DLGAP1: variants seen among roughly 807,000 people sequenced by gnomAD.
The protein encoded by DLGAP1 is disks large-associated protein 1.
Under a neutral mutation model 90.8 loss-of-function variants are expected in DLGAP1, and 11 were observed. The ratio of observed to expected loss-of-function variants is 0.12; its 90% CI spans 0.08 to 0.20. DLGAP1 has a LOEUF of 0.20. Ranked by LOEUF, DLGAP1 falls within the 10% of genes least tolerant of loss-of-function variation. DLGAP1 has a pLI of 1.00. For synonymous variants in DLGAP1, 558 were observed against 540.7 expected (o/e 1.03, Z -0.44); for missense variants, 1,050 against 1,333.8 (o/e 0.79, Z 3.31).
At chr18:3,842,732 A>G (rs1453962873) in intron 4 of DLGAP1, among the ~76,000 whole-genome samples, 1 of 152,138 alleles carries the variant, frequency 6.6e-6, no homozygotes, top group African/African-American at 2.4e-5. Context: ...TGCCATTTAC[A>G]GGGGTAGGAA....
At chr18:4,094,081 C>T (rs1371356394) in intron 2 of DLGAP1, among the ~76,000 whole-genome samples, 1 of 152,064 alleles carries the variant, frequency 6.6e-6, no homozygotes, top group Non-Finnish European at 1.5e-5. Context: ...ATGATTTTTA[C>T]ATCCTTTATG....
intron 6 of DLGAP1, among the ~76,000 whole-genome samples, chr18:3,740,679 T>C (rs1229664185): frequency 1.3e-5 from 2 of 152,062 alleles, no homozygotes; most frequent in African/African-American, 4.8e-5. Context: ...TTTTCATCTA[T>C]ACCAGCACCA....
chr18:4,265,136 C>CTTCCTTCCTTCCTTCCTTCCTTCCT (rs1476655160), intron 1 of DLGAP1, among the ~76,000 whole-genome samples: 8 of 129,466 alleles, frequency 6.2e-5, no homozygotes, highest in African/African-American at 2.8e-4. Flanking sequence ...CCTTCCTTTC[C>CTTCCTTCCTTCCTTCCTTCCTTCCT]TCCCTCCCTC....
intron 3 of DLGAP1, among the ~76,000 whole-genome samples, chr18:3,949,597 C>T (rs2072944521): frequency 6.6e-6 from 1 of 152,170 alleles, no homozygotes; most frequent in South Asian, 2.1e-4. Context: ...CATTATTTTA[C>T]TATAGGAAAT....
chr18:3,591,300 A>G (rs2056230594), intron 7 of DLGAP1, among the ~76,000 whole-genome samples: 1 of 152,166 alleles, frequency 6.6e-6, no homozygotes, highest in Non-Finnish European at 1.5e-5. Context: ...ACATAAATGT[A>G]TTTCTATTGT....
intron 7 of DLGAP1, among the ~76,000 whole-genome samples, chr18:3,595,188 A>G (rs2056509875): frequency 6.6e-6 from 1 of 152,180 alleles, no homozygotes; most frequent in Non-Finnish European, 1.5e-5. Context: ...AGAGGCGGGC[A>G]CCCCTTCTGT....
intron 7 of DLGAP1, among the ~76,000 whole-genome samples, chr18:3,583,274 T>TTTCC (rs1257160364): frequency 1.8e-4 from 27 of 149,812 alleles, no homozygotes; most frequent in Middle Eastern, 3.4e-3. Context: ...CCTTCCCTTC[T>TTTCC]TTCCTTCCTT....
chr18:3,916,044 C>A (rs995252833), intron 3 of DLGAP1, among the ~76,000 whole-genome samples: 2 of 152,150 alleles, frequency 1.3e-5, no homozygotes, highest in Admixed American at 6.5e-5. Context: ...ATTATGGTCA[C>A]CCTTGCTCAA....
chr18:3,619,433 C>G (rs1478756976), intron 7 of DLGAP1, among the ~76,000 whole-genome samples: 1 of 152,164 alleles, frequency 6.6e-6, no homozygotes, highest in Non-Finnish European at 1.5e-5. Flanking sequence ...AGTGGGGTCA[C>G]TAAGGTCTCT....
intron 1 of DLGAP1, among the ~76,000 whole-genome samples, chr18:4,445,505 A>T (rs941754341): frequency 7.6e-6 from 1 of 130,958 alleles, no homozygotes; most frequent in Non-Finnish European, 1.5e-5. Flanking sequence ...TGTCCATGTG[A>T]TCTCAATGTT....
chr18:4,231,799 T>G lies in DLGAP1; in HGVS notation c.-266-80512A>C, dbSNP rs986202131. On this transcript the variant is annotated intron_variant, in intron 1 of 12. Coordinates refer to ENST00000315677, the MANE Select transcript of DLGAP1 (RefSeq NM_004746.4). ...CAGAAGGTGTTTAAATCAAAGCTAA[T>G]GTATCTAATTGAGAGGAAAGAATAT... is the stretch of plus-strand genomic sequence containing the variant. Among the ~76,000 whole-genome samples the G allele has an allele frequency of 2.6e-5, 4 of 152,136 alleles. No individual in the cohort carries two copies. In the South Asian group the frequency reaches 8.3e-4, roughly 32 times the overall value.
At chr18:3,731,571 C>CTTT (rs71368708) in intron 6 of DLGAP1, among the ~76,000 whole-genome samples, 2 of 132,268 alleles carry the variant, frequency 1.5e-5, no homozygotes, top group African/African-American at 2.8e-5. Context: ...CCACGCCTGG[C>CTTT]TTTTTTTTTT....
At chr18:3,875,190 G>A (rs1855211323) in intron 4 of DLGAP1, among the ~76,000 whole-genome samples, 1 of 152,030 alleles carries the variant, frequency 6.6e-6, no homozygotes, top group Admixed American at 6.6e-5. Context: ...ATGCATATGA[G>A]GTCAAATGCA....
Position 4,141,534 on chromosome 18 carries a change from T to A in DLGAP1, c.-159+9646A>T, listed in dbSNP as rs2076494800. ...TTTTGGCAAATGAAGTCTTAAAGTC[T>A]TAATATTATAAAAACAGTTTTGACC... On this transcript the variant is annotated intron_variant, in intron 2 of 12. Coordinates refer to ENST00000315677, the MANE Select transcript of DLGAP1 (RefSeq NM_004746.4). Among the ~76,000 whole-genome samples, 3 of 152,032 alleles carry A rather than the reference T, an allele frequency of 2.0e-5. No homozygotes were observed. The South Asian group carries it at 6.2e-4, about 32-fold the overall frequency.
chr18:3,997,219 A>C (rs1484807200), intron 3 of DLGAP1, among the ~76,000 whole-genome samples: 1 of 107,462 alleles, frequency 9.3e-6, no homozygotes, highest in Non-Finnish European at 1.9e-5. Context: ...TCTTAGAATT[A>C]TCTCCTAATT....
intron 3 of DLGAP1, among the ~76,000 whole-genome samples, chr18:3,914,660 T>C (rs754371754): frequency 1.2e-4 from 18 of 152,358 alleles, no homozygotes; most frequent in Non-Finnish European, 1.0e-4. Flanking sequence ...ATAGCAGCTG[T>C]ACTATTTTAT....
chr18:4,142,833 C>G lies in DLGAP1; in HGVS notation c.-159+8347G>C, dbSNP rs534995401. On this transcript the variant is annotated intron_variant, in intron 2 of 12. Coordinates refer to ENST00000315677, the MANE Select transcript of DLGAP1 (RefSeq NM_004746.4). ...GTATTAGGCGGTACCCCAAGCCCAGCAATGCTGTGAGGTGATTCTGCTCTT... is the reference window on the plus strand; with the variant it reads ...GTATTAGGCGGTACCCCAAGCCCAGGAATGCTGTGAGGTGATTCTGCTCTT... Among the ~76,000 whole-genome samples, 17 of 152,174 alleles carry G rather than the reference C, an allele frequency of 1.1e-4. No individual in the cohort carries two copies. In the South Asian group the frequency reaches 3.1e-3, roughly 28 times the overall value.
intron 5 of DLGAP1, among the ~76,000 whole-genome samples, chr18:3,782,022 CAAG>C (rs2065219753): frequency 1.6e-4 from 1 of 6,182 alleles, no homozygotes; most frequent in Non-Finnish European, 6.2e-4. Context: ...GATTCTATTC[CAAG>C]CTTGGAACAG....
chr18:3,562,185 C>A (rs1189879380), intron 9 of DLGAP1, among the ~76,000 whole-genome samples: 2 of 152,002 alleles, frequency 1.3e-5, no homozygotes, highest in Non-Finnish European at 2.9e-5. Flanking sequence ...CGAAATCATG[C>A]CATTGCACTC....
Sources: allele counts gnomAD v4.1 joint callset (sites outside exome capture counted in the v4.1 genomes callset), GRCh38; gene constraint gnomAD v4.1.1; transcripts MANE v1.5; gene names NCBI Gene and HGNC (gene_info 2026-07-23, HGNC 2026-07-21).